IL5RA: variants seen among roughly 807,000 people sequenced by gnomAD.
IL5RA encodes the protein interleukin 5 receptor subunit alpha.
In IL5RA, 49 loss-of-function variants were observed where a neutral mutation model predicts 50.0. That is an observed-to-expected ratio of 0.98 (90% CI 0.78 to 1.24). The LOEUF (loss-of-function observed/expected upper bound fraction) is 1.24. IL5RA is among the 50% of genes most tolerant of loss of function. The pLI is 0.00. For missense variants in IL5RA, 600 were observed against 500.4 expected, an observed-to-expected ratio of 1.20 and a Z score of -1.90; for synonymous variants, 202 against 174.0, an observed-to-expected ratio of 1.16 and a Z score of -1.26.
chr3:3,090,282 T>C, intron 9 of IL5RA: 1 of 1,490,758 alleles, frequency 6.7e-7, no homozygotes. Flanking sequence ...AAATTATTTG[T>C]CTGGGGATAC....
At chr3:3,107,936 T>TC (rs938553592) in intron 2 of IL5RA, among the ~76,000 whole-genome samples, 60 of 152,316 alleles carry the variant, frequency 3.9e-4, no homozygotes, top group Middle Eastern at 3.4e-3. Context: ...CTCTTTTTTT[T>TC]CCCAACTTAT....
intron 5 of IL5RA, among the ~76,000 whole-genome samples, chr3:3,098,607 C>T (rs970503800): frequency 6.6e-6 from 1 of 152,250 alleles, no homozygotes; most frequent in Non-Finnish European, 1.5e-5. Context: ...GGCGTTTCAC[C>T]ATGATGGCCA....
intron 11 of IL5RA, among the ~76,000 whole-genome samples, chr3:3,070,751 T>G (rs1702270895): frequency 6.6e-6 from 1 of 151,802 alleles, no homozygotes; most frequent in Admixed American, 6.6e-5. Context: ...CCCGGCTAAT[T>G]TTTGTATTTT....
intron 5 of IL5RA, 81 bp from the exon 6 acceptor site, chr3:3,098,371 GT>G (rs1703464334): frequency 8.0e-7 from 1 of 1,246,994 alleles, no homozygotes; most frequent in Non-Finnish European, 1.2e-6. Flanking sequence ...CTATAGTGAT[GT>G]GAACGTCGTA....
chr3:3,090,570 C>CTTTTT (rs35917277), intron 9 of IL5RA, among the ~76,000 whole-genome samples: 5 of 113,680 alleles, frequency 4.4e-5, no homozygotes, highest in Non-Finnish European at 7.5e-5. Flanking sequence ...TCTTTTCTTT[C>CTTTTT]TTTTTTTTTT....
At chr3:3,093,380 A>G (rs191997257) in intron 8 of IL5RA, among the ~76,000 whole-genome samples, 46 of 152,320 alleles carry the variant, frequency 3.0e-4, no homozygotes, top group Non-Finnish European at 5.4e-4. Context: ...TATGACTGCA[A>G]TTTGGAAGTT....
intron 10 of IL5RA, among the ~76,000 whole-genome samples, chr3:3,075,237 C>G (rs1242272262): frequency 9.9e-6 from 1 of 101,460 alleles, no homozygotes. Flanking sequence ...TGGTCTTGCT[C>G]TGTCACCCAG....
chr3:3,086,386 A>G (rs1280620787), intron 9 of IL5RA, among the ~76,000 whole-genome samples: 1 of 152,220 alleles, frequency 6.6e-6, no homozygotes, highest in Non-Finnish European at 1.5e-5. Context: ...TAAACAGGAG[A>G]CAGCAAAGAT....
intron 8 of IL5RA, among the ~76,000 whole-genome samples, chr3:3,093,916 G>C (rs1165453849): frequency 6.6e-6 from 1 of 152,164 alleles, no homozygotes; most frequent in Non-Finnish European, 1.5e-5. Context: ...CTTTGTGACT[G>C]TGGGAGAGTT....
At chr3:3,099,658 T>TTTAGTATTA (rs1553752868) in intron 5 of IL5RA, among the ~76,000 whole-genome samples, 1 of 144,280 alleles carries the variant, frequency 6.9e-6, no homozygotes, top group Admixed American at 7.0e-5. Context: ...TTTTATTTTA[T>TTTAGTATTA]TTATTATTAT....
chr3:3,090,647 A>G (rs939533649), intron 9 of IL5RA, among the ~76,000 whole-genome samples: 4 of 148,950 alleles, frequency 2.7e-5, no homozygotes, highest in African/African-American at 7.5e-5. Flanking sequence ...GCTCACTGCA[A>G]GCTCCGCCTC....
At chr3:3,087,636 T>TAG (rs56921132) in intron 9 of IL5RA, among the ~76,000 whole-genome samples, 2 of 151,058 alleles carry the variant, frequency 1.3e-5, no homozygotes, top group Non-Finnish European at 1.5e-5. Flanking sequence ...ATTAAAATAA[T>TAG]GGGGGGGAAA....
chr3:3,089,440 G>A (rs1703000977), intron 9 of IL5RA, among the ~76,000 whole-genome samples: 1 of 152,186 alleles, frequency 6.6e-6, no homozygotes, highest in Non-Finnish European at 1.5e-5. Context: ...CACATGGGCT[G>A]ATGGGTCACT....
Position 3,102,832 on chromosome 3 carries a change from A to G in IL5RA, c.83-12T>C. The stretch of plus-strand genomic sequence containing the variant: ...TGGGAGAAGTGAAACTGTTGATTCA[A>G]AGAATAAAGAAACAACACAATGTTC... On this transcript the variant is annotated splice_polypyrimidine_tract_variant and intron_variant, in intron 3 of 11. Transcript: ENST00000446632. The G allele has an allele frequency of 6.3e-7, 1 of 1,592,132 alleles. No homozygotes were observed. Among genetic ancestry groups the G allele is most frequent in the South Asian group, 1.2e-5 (1 of 86,730 alleles).
At chr3:3,090,968 C>T (rs1703072929) in intron 9 of IL5RA, among the ~76,000 whole-genome samples, 1 of 152,158 alleles carries the variant, frequency 6.6e-6, no homozygotes, top group Non-Finnish European at 1.5e-5. Flanking sequence ...GAAATGTGCC[C>T]CTTCATCCAT....
chr3:3,091,474 G>T (rs1703097805), intron 9 of IL5RA, among the ~76,000 whole-genome samples: 3 of 152,200 alleles, frequency 2.0e-5, no homozygotes, highest in Admixed American at 2.0e-4. Context: ...GCTCATGCCT[G>T]TAATCCCAGC....
intron 7 of IL5RA, among the ~76,000 whole-genome samples, chr3:3,096,390 C>G (rs534098490): frequency 6.6e-6 from 1 of 151,870 alleles, no homozygotes; most frequent in Admixed American, 6.6e-5. Flanking sequence ...TCTTATGGTC[C>G]GGTGAGGTGA....
intron 9 of IL5RA, among the ~76,000 whole-genome samples, chr3:3,080,770 C>G (rs1375825281): frequency 1.3e-5 from 2 of 152,186 alleles, no homozygotes; most frequent in Admixed American, 6.5e-5. Context: ...TCATAGCTCC[C>G]TGCAGATTCT....
chr3:3,070,664 C>G (rs757365847), intron 11 of IL5RA, among the ~76,000 whole-genome samples: 5 of 144,378 alleles, frequency 3.5e-5, no homozygotes, highest in African/African-American at 1.3e-4. Flanking sequence ...CTCACTGCAA[C>G]CTCCACCTCC....
Sources: gnomAD v4.1 joint callset for allele counts (sites outside exome capture counted in the v4.1 genomes callset) on GRCh38, gnomAD v4.1.1 for gene constraint, MANE v1.5 for transcripts, NCBI Gene and HGNC (gene_info 2026-07-23, HGNC 2026-07-21) for gene names.